Variants in IL16 observed in about 807,000 individuals in gnomAD.
IL16 encodes the protein interleukin 16, also known as pro-interleukin-16.
In IL16, 67 loss-of-function variants were observed where a neutral mutation model predicts 110.1. The ratio of observed to expected loss-of-function variants is 0.61; its 90% CI spans 0.50 to 0.75. The LOEUF (loss-of-function observed/expected upper bound fraction) is 0.75. Among genes scored for constraint, IL16 ranks in the 30% least tolerant of loss-of-function variants. The pLI, the probability that IL16 is intolerant of heterozygous loss-of-function variation, is 0.00. For missense variants in IL16, 1,545 were observed against 1,655.0 expected (o/e 0.93, Z 1.15); for synonymous variants, 689 against 662.9 (o/e 1.04, Z -0.61).
chr15:81,267,832 C>T (rs138889682), intron 4 of IL16, among the ~76,000 whole-genome samples: 52 of 152,346 alleles, frequency 3.4e-4, no homozygotes, highest in African/African-American at 1.2e-3. Flanking sequence ...CTATTCAGGA[C>T]TTCAGCAGAT....
At chr15:81,232,049 T>TG (rs1464589920) in intron 2 of IL16, among the ~76,000 whole-genome samples, 213 of 118,818 alleles carry the variant, frequency 1.8e-3, no homozygotes, top group Non-Finnish European at 3.3e-3. Context: ...CTTGTTTTTT[T>TG]TTTTTTTTTT....
intron 1 of IL16, among the ~76,000 whole-genome samples, chr15:81,207,004 C>A (rs1896043736): frequency 6.6e-6 from 1 of 151,922 alleles, no homozygotes; most frequent in South Asian, 2.1e-4. Flanking sequence ...GAGGCCGAGG[C>A]AGGTGGATCA....
At chr15:81,301,227 T>C in intron 14 of IL16, 117 bp from the exon 15 acceptor site, 1 of 780,836 alleles carries the variant, frequency 1.3e-6, no homozygotes, top group Non-Finnish European at 2.0e-6. Context: ...ATTTGTTGCA[T>C]CAAATAATAT....
chr15:81,214,934 T>C (rs1896372540), intron 1 of IL16, among the ~76,000 whole-genome samples: 2 of 152,210 alleles, frequency 1.3e-5, no homozygotes, highest in Non-Finnish European at 2.9e-5. Flanking sequence ...TTTCTGATTG[T>C]AGTATGAAAT....
In IL16 at chr15:81,313,620, C is replaced by T. The variant is rs1026623282; in HGVS notation, c.*4822C>T. On this transcript the variant is annotated 3_prime_UTR_variant, in exon 19 of 19. Coordinates refer to ENST00000683961, the MANE Select transcript of IL16 (RefSeq NM_172217.5). ...CGGGGATGCATTCCACAGCCTCTCC[C>T]GGCCTCCAGGGAGGAAGAAGTCCCT... The T allele has an allele frequency of 5.2e-5, 19 of 363,858 alleles. No individual in the cohort carries two copies. Among genetic ancestry groups the T allele is most frequent in the Non-Finnish European group, 7.7e-5 (16 of 206,686 alleles). 22.5% of individuals were successfully genotyped at this position (363,858 alleles called of 1,614,324 possible).
At chr15:81,251,565 A>G (rs1240110243) in intron 2 of IL16, among the ~76,000 whole-genome samples, 1 of 152,202 alleles carries the variant, frequency 6.6e-6, no homozygotes, top group Non-Finnish European at 1.5e-5. Context: ...ACATCTTTGT[A>G]TAGACATCTT....
intron 2 of IL16, among the ~76,000 whole-genome samples, chr15:81,240,067 AT>A (rs1897295982): frequency 6.6e-6 from 1 of 152,144 alleles, no homozygotes; most frequent in African/African-American, 2.4e-5. Flanking sequence ...CGTTCTTCTT[AT>A]TTGTGAACAT....
intron 2 of IL16, among the ~76,000 whole-genome samples, chr15:81,257,726 A>G (rs1013481144): frequency 6.6e-6 from 1 of 152,206 alleles, no homozygotes; most frequent in Non-Finnish European, 1.5e-5. Context: ...CCCTTGGCAC[A>G]TGAAATTAAC....
intron 9 of IL16, among the ~76,000 whole-genome samples, chr15:81,284,008 A>G (rs1224299615): frequency 6.9e-6 from 1 of 145,048 alleles, no homozygotes; most frequent in African/African-American, 2.6e-5. Flanking sequence ...GTCTCAGAAA[A>G]AAAAAAAAAA....
Position 81,308,777 on chromosome 15 carries a change from C to T in IL16, c.3978C>T (p.Thr1326=). The T allele has an allele frequency of 6.2e-7, 1 of 1,613,288 alleles. No homozygotes were observed. Among genetic ancestry groups the T allele is most frequent in the Non-Finnish European group, 8.5e-7 (1 of 1,179,778 alleles). ...GAAAAAGCCTCCAGTCCAAGGAAACCACAGCTGCTGGAGACTCCTAGGCAG... is the reference window on the plus strand; with the variant it reads ...GAAAAAGCCTCCAGTCCAAGGAAACTACAGCTGCTGGAGACTCCTAGGCAG... ...IRRKSLQSKE[T]TAAGDS Residue 1326 remains threonine (T), a synonymous_variant, in exon 19 of 19, where the codon ACC becomes ACT. Transcript: ENST00000683961.
At chr15:81,205,393 T>C (rs1895980800) in intron 1 of IL16, among the ~76,000 whole-genome samples, 1 of 152,004 alleles carries the variant, frequency 6.6e-6, no homozygotes, top group Admixed American at 6.6e-5. Flanking sequence ...ACCTAGCACC[T>C]CACCTCTTGC....
At position 81,290,518 on chromosome 15, in the gene IL16, G is replaced by A; in HGVS notation, c.1398G>A (p.Glu466=). 6.2e-7 allele frequency: 1 copy of A among 1,613,338 alleles called. No homozygotes were observed. The change falls in exon 11 of 19, where the codon GAG becomes GAA. Residue 466 remains glutamate, a synonymous_variant. Transcript: ENST00000683961. The stretch of plus-strand genomic sequence containing the variant: ...TGGAAAACACCAAGTTTGGAAAGGA[G>A]AGGCATCAGTGGAGTCTGGAAGGTA... The part of the protein sequence containing the change: ...QAVENTKFGK[E]RHQWSLEGVK...
chr15:81,279,731 C>T lies in IL16; in HGVS notation c.1038C>T (p.Ala346=), dbSNP rs752848664. 1 of 1,614,256 alleles carries T rather than the reference C, an allele frequency of 6.2e-7. No homozygotes were observed. Among genetic ancestry groups the T allele is most frequent in the Non-Finnish European group, 8.5e-7 (1 of 1,180,048 alleles). ...LESPSAPIST[A]KPNYRIMVEV... is the part of the protein sequence containing the mutation. ...GCCCCTCGGCTCCCATCAGCACCGCCAAGCCCAATTACAGAATCATGGTGG... is the reference window on the plus strand; with the variant it reads ...GCCCCTCGGCTCCCATCAGCACCGCTAAGCCCAATTACAGAATCATGGTGG... Residue 346 remains alanine, a synonymous_variant, in exon 8 of 19, where the codon GCC becomes GCT. Coordinates refer to ENST00000683961, the MANE Select transcript of IL16 (RefSeq NM_172217.5).
intron 1 of IL16, among the ~76,000 whole-genome samples, chr15:81,191,621 C>G (rs972638431): frequency 2.0e-5 from 3 of 152,072 alleles, no homozygotes; most frequent in South Asian, 4.2e-4. Context: ...CAAATGCTGG[C>G]AAGTTCTATG....
Position 81,220,533 on chromosome 15 carries a change from A to G in IL16, c.-101-4766A>G, listed in dbSNP as rs1276856694. On this transcript the variant is annotated intron_variant, in intron 1 of 18. Transcript: ENST00000683961. ...TTGAGTTATTCTTTAATTGACAAAG[A>G]CAAAAATTACCCCCTGGGCTAGAGT... Among the ~76,000 whole-genome samples the G allele has an allele frequency of 2.6e-5, 4 of 152,334 alleles. No homozygotes were observed. In the East Asian group the frequency reaches 7.7e-4, roughly 29 times the overall value.
At chr15:81,226,850 A>G (rs1026135531) in intron 2 of IL16, among the ~76,000 whole-genome samples, 23 of 152,150 alleles carry the variant, frequency 1.5e-4, no homozygotes, top group African/African-American at 5.3e-4. Context: ...TAATCCACCA[A>G]CTGAGAGTCA....
chr15:81,216,707 A>C (rs1049558174), intron 1 of IL16, among the ~76,000 whole-genome samples: 2 of 152,092 alleles, frequency 1.3e-5, no homozygotes, highest in Non-Finnish European at 2.9e-5. Context: ...GAGGCTGCCT[A>C]CCGAGCATTC....
At chr15:81,289,579 T>C (rs1211343972) in intron 10 of IL16, among the ~76,000 whole-genome samples, 1 of 152,252 alleles carries the variant, frequency 6.6e-6, no homozygotes, top group Admixed American at 6.5e-5. Context: ...TATATCTTCT[T>C]TGAAGAAATG....
rs1023173771 is a variant in IL16, at chr15:81,308,973, T to C, written c.*175T>C. On this transcript the variant is annotated 3_prime_UTR_variant, in exon 19 of 19. Coordinates refer to ENST00000683961, the MANE Select transcript of IL16 (RefSeq NM_172217.5). ...TAGGACGCCACCCAGCAAAAGGTTG[T>C]TCCTAAAATAAGGGCAGAGTCACAC... is the stretch of plus-strand genomic sequence containing the variant. The C allele has an allele frequency of 4.0e-5, 21 of 529,950 alleles. No homozygotes were observed. The Admixed American group carries it at 6.0e-4, about 15-fold the overall frequency. 32.8% of individuals were successfully genotyped at this position (529,950 alleles called of 1,614,324 possible). A position where few individuals can be genotyped will look rare whatever the true frequency, so the allele number is the denominator to read the frequency against.
Sources: allele counts gnomAD v4.1 joint callset (sites outside exome capture counted in the v4.1 genomes callset), GRCh38; gene constraint gnomAD v4.1.1; transcripts MANE v1.5; gene names NCBI Gene and HGNC (gene_info 2026-07-23, HGNC 2026-07-21).